DLEU7: variants seen among roughly 807,000 people sequenced by gnomAD.
DLEU7 encodes the protein deleted in lymphocytic leukemia 7.
DLEU7 carries 17 observed loss-of-function variants against 16.0 expected under a neutral mutation model. The ratio of observed to expected loss-of-function variants is 1.06; its 90% CI spans 0.73 to 1.59. The LOEUF (loss-of-function observed/expected upper bound fraction) is 1.59, where lower values mean the gene tolerates loss of function less well. Ranked by LOEUF, DLEU7 falls within the 40% of genes most tolerant of loss-of-function variation. The pLI, the probability that DLEU7 is intolerant of heterozygous loss-of-function variation, is 0.00. For missense variants in DLEU7, 308 were observed against 314.9 expected (o/e 0.98, Z 0.17); for synonymous variants, 113 against 139.8 (o/e 0.81, Z 1.35).
Position 50,713,136 on chromosome 13 carries a change from C to G in DLEU7, c.*81G>C, listed in dbSNP as rs1873343867. The G allele has an allele frequency of 7.8e-6, 12 of 1,533,572 alleles. No homozygotes were observed. In the East Asian group the frequency reaches 2.8e-4, roughly 35 times the overall value. 95.0% of individuals were successfully genotyped at this position (1,533,572 alleles called of 1,614,324 possible). A position where few individuals can be genotyped will look rare whatever the true frequency, so the allele number is the denominator to read the frequency against. On this transcript the variant is annotated 3_prime_UTR_variant, in exon 2 of 2. Coordinates refer to the DLEU7 transcript ENST00000400393. ...GAAGTGGTTTAACATCCCATCTCAT[C>G]CCATCTGGCATTCAGAATTTGGCAC...
chr13:50,789,100 T>C (rs993952694), intron 1 of DLEU7, among the ~76,000 whole-genome samples: 20 of 151,648 alleles, frequency 1.3e-4, no homozygotes, highest in African/African-American at 4.8e-4. Context: ...ATCCAGAAGG[T>C]TGTCTGTTTT....
chr13:50,781,937 T>C (rs527469493), intron 1 of DLEU7, among the ~76,000 whole-genome samples: 2 of 152,376 alleles, frequency 1.3e-5, no homozygotes, highest in South Asian at 2.1e-4. Flanking sequence ...TTAGGCTCTG[T>C]AAGCCATGAA....
At chr13:50,742,266 A>G (rs968454685) in intron 1 of DLEU7, among the ~76,000 whole-genome samples, 3 of 152,230 alleles carry the variant, frequency 2.0e-5, no homozygotes, top group Non-Finnish European at 4.4e-5. Context: ...AATCAATAAA[A>G]GAGCAAAATT....
chr13:50,746,952 CGT>C (rs1179825562), intron 1 of DLEU7, among the ~76,000 whole-genome samples: 2 of 104,188 alleles, frequency 1.9e-5, no homozygotes, highest in Non-Finnish European at 4.3e-5. Context: ...GCTTGTGGAA[CGT>C]ACACACACAC....
intron 1 of DLEU7, among the ~76,000 whole-genome samples, chr13:50,743,790 C>T (rs148845980): frequency 8.1e-4 from 124 of 152,190 alleles, no homozygotes; most frequent in African/African-American, 2.6e-3. Flanking sequence ...CAAATGTTTC[C>T]GAAGCACCTA....
At chr13:50,746,645 T>G (rs1874403935) in intron 1 of DLEU7, among the ~76,000 whole-genome samples, 1 of 152,230 alleles carries the variant, frequency 6.6e-6, no homozygotes, top group Non-Finnish European at 1.5e-5. Context: ...TTGTACTTTT[T>G]CTGGGCAAGT....
At chr13:50,836,317 G>A (rs779241880) in intron 1 of DLEU7, among the ~76,000 whole-genome samples, 1 of 152,096 alleles carries the variant, frequency 6.6e-6, no homozygotes, top group East Asian at 1.9e-4. Flanking sequence ...GGAGGGCAGT[G>A]AGAAAGAGAA....
At chr13:50,841,737 CAA>C (rs200036592) in intron 1 of DLEU7, among the ~76,000 whole-genome samples, 3,352 of 104,792 alleles carry the variant, frequency 0.032, 101 homozygotes, top group African/African-American at 0.093. Context: ...GACCTTGTCT[CAA>C]AAAAAAAAAA....
At chr13:50,774,350 G>A (rs1177622051) in intron 1 of DLEU7, among the ~76,000 whole-genome samples, 5 of 152,062 alleles carry the variant, frequency 3.3e-5, no homozygotes, top group Non-Finnish European at 7.4e-5. Flanking sequence ...CTTCTTCATC[G>A]ATCACGCTGG....
intron 1 of DLEU7, among the ~76,000 whole-genome samples, chr13:50,769,902 T>G (rs1875243790): frequency 6.6e-6 from 1 of 152,264 alleles, no homozygotes; most frequent in African/African-American, 2.4e-5. Context: ...ACGACATTGA[T>G]TCTTCCTATC....
chr13:50,821,733 A>G (rs1876911150), downstream of DLEU7, among the ~76,000 whole-genome samples: 2 of 36,666 alleles, frequency 5.5e-5, no homozygotes, highest in Non-Finnish European at 1.5e-4. Context: ...TGGGTAAGGT[A>G]AAAAAAAACA....
At chr13:50,766,345 C>A (rs1184612130) in intron 1 of DLEU7, among the ~76,000 whole-genome samples, 1 of 152,222 alleles carries the variant, frequency 6.6e-6, no homozygotes, top group Non-Finnish European at 1.5e-5. Flanking sequence ...TGGAGCCCTG[C>A]AGGCTCGTGC....
At chr13:50,754,115 G>T (rs533199666) in intron 1 of DLEU7, among the ~76,000 whole-genome samples, 3 of 152,212 alleles carry the variant, frequency 2.0e-5, no homozygotes, top group East Asian at 3.9e-4. Context: ...CTTAAAGAAG[G>T]TTCCATATGC....
Position 50,723,580 on chromosome 13 carries a change from C to T in DLEU7, c.460-10340G>A, listed in dbSNP as rs192048489. 2.1e-3 allele frequency among the ~76,000 whole-genome samples: 326 copies of T among 152,092 alleles called. 1 individual carries two copies. The highest frequency in any genetic ancestry group is 7.4e-3 in the African/African-American group (309 of 41,484). On this transcript the variant is annotated intron_variant, in intron 1 of 1. Coordinates refer to the DLEU7 transcript ENST00000400393. The stretch of plus-strand genomic sequence containing the variant: ...GACTGTGGTTGGGTTCTGGTGAGAG[C>T]GTCTTTGGTTTGTTGACAGTCACCT...
chr13:50,756,562 C>G (rs1012634037), intron 1 of DLEU7, among the ~76,000 whole-genome samples: 13 of 152,204 alleles, frequency 8.5e-5, no homozygotes, highest in African/African-American at 3.1e-4. Flanking sequence ...CTCCCTCTCA[C>G]TGTGACCCGC....
At chr13:50,750,376 C>T (rs1874526847) in intron 1 of DLEU7, among the ~76,000 whole-genome samples, 1 of 152,124 alleles carries the variant, frequency 6.6e-6, no homozygotes, top group African/African-American at 2.4e-5. Flanking sequence ...TGTGATGCCT[C>T]CAGATATGTT....
intron 1 of DLEU7, among the ~76,000 whole-genome samples, chr13:50,803,933 T>C (rs1054968972): frequency 6.6e-6 from 1 of 152,162 alleles, no homozygotes; most frequent in East Asian, 1.9e-4. Flanking sequence ...ACTACAATAC[T>C]TTTAAAACTT....
At chr13:50,776,421 T>C (rs556043982) in intron 1 of DLEU7, among the ~76,000 whole-genome samples, 35 of 152,330 alleles carry the variant, frequency 2.3e-4, no homozygotes, top group Non-Finnish European at 4.0e-4. Context: ...TGAGCTCTTT[T>C]CCAACCACAG....
intron 1 of DLEU7, among the ~76,000 whole-genome samples, chr13:50,764,254 A>C (rs1875033706): frequency 6.6e-6 from 1 of 152,262 alleles, no homozygotes; most frequent in African/African-American, 2.4e-5. Context: ...GCATCATAAC[A>C]TATAATCATT....
Sources: allele counts gnomAD v4.1 joint callset (sites outside exome capture counted in the v4.1 genomes callset), GRCh38; gene constraint gnomAD v4.1.1; transcripts MANE v1.5; gene names NCBI Gene and HGNC (gene_info 2026-07-23, HGNC 2026-07-21).